The following UGT1A10 variants were observed in gnomAD, a reference collection of about 807,000 sequenced individuals.
The protein encoded by UGT1A10 is UDP-glucuronosyltransferase 1A10.
A neutral mutation model predicts 45.8 loss-of-function variants in UGT1A10; 49 were observed. The observed-to-expected ratio is 1.07, with a 90% CI of 0.85 to 1.36. The LOEUF (loss-of-function observed/expected upper bound fraction) is 1.36, where lower values mean the gene tolerates loss of function less well. Ranked by LOEUF, UGT1A10 falls within the 40% of genes most tolerant of loss-of-function variation. UGT1A10 has a pLI of 0.00. For missense variants in UGT1A10, 745 were observed against 668.6 expected, an observed-to-expected ratio of 1.11 and a Z score of -1.26; for synonymous variants, 284 against 249.7, an observed-to-expected ratio of 1.14 and a Z score of -1.29.
At chr2:233,758,920 TC>T (rs1167539865) in intron 1 of UGT1A10, among the ~76,000 whole-genome samples, 7 of 152,264 alleles carry the variant, frequency 4.6e-5, no homozygotes, top group African/African-American at 1.7e-4. Flanking sequence ...TGCTCATCTT[TC>T]CCTTTTGACT....
At chr2:233,756,158 TC>T (rs1469435732) in intron 1 of UGT1A10, 1 of 152,264 alleles carries the variant, frequency 6.6e-6, no homozygotes, top group Non-Finnish European at 1.5e-5. Flanking sequence ...CCCTAGGATT[TC>T]CTGGCTCATA....
At chr2:233,676,716 T>G (rs2074369037) in intron 1 of UGT1A10, among the ~76,000 whole-genome samples, 2 of 152,218 alleles carry the variant, frequency 1.3e-5, no homozygotes, top group South Asian at 4.1e-4. Flanking sequence ...AATGTCAGTG[T>G]GTGTTTTGCC....
chr2:233,739,629 T>G (rs1457443905), intron 1 of UGT1A10, among the ~76,000 whole-genome samples: 1 of 152,190 alleles, frequency 6.6e-6, no homozygotes, highest in Non-Finnish European at 1.5e-5. Flanking sequence ...CCATTTGAAA[T>G]GGGAACATTT....
In UGT1A10 at chr2:233,636,754, T is replaced by C. The variant is rs1231008929; in HGVS notation, c.232T>C (p.Ser78Pro). ...ACTGAATTGCACAGTGAAGACTTAC[T>C]CAACCTCGTACACTCTGGAAGATCA... is the stretch of plus-strand genomic sequence containing the variant. ...RSLNCTVKTY[S>P]TSYTLEDQNR... The change falls in exon 1 of 5, where the codon TCA becomes CCA. Residue 78 changes from serine to proline, a missense_variant. Coordinates refer to ENST00000344644, the MANE Select transcript of UGT1A10 (RefSeq NM_019075.4). 6.2e-7 allele frequency: 1 copy of C among 1,614,192 alleles called. No homozygotes were observed. The highest frequency in any genetic ancestry group is 8.5e-7 in the Non-Finnish European group (1 of 1,180,032).
rs745603293 is a variant in UGT1A10, at chr2:233,772,357, G to A, written c.1391G>A (p.Arg464Lys). Residue 464 changes from arginine (R) to lysine (K), a missense_variant, in exon 5 of 5, where the codon AGG becomes AAG. Coordinates refer to ENST00000344644, the MANE Select transcript of UGT1A10 (RefSeq NM_019075.4). ...LAVFWVEFVM[R>K]HKGAPHLRPA... The stretch of plus-strand genomic sequence containing the variant: ...GTGTTCTGGGTGGAGTTTGTGATGA[G>A]GCACAAGGGCGCGCCACACCTGCGC... The A allele has an allele frequency of 1.4e-5, 22 of 1,614,268 alleles. No individual in the cohort carries two copies. The highest frequency in any genetic ancestry group is 1.8e-5 in the Non-Finnish European group (21 of 1,180,054).
intron 1 of UGT1A10, among the ~76,000 whole-genome samples, chr2:233,689,439 A>C (rs1476272923): frequency 6.6e-6 from 1 of 152,238 alleles, no homozygotes; most frequent in African/African-American, 2.4e-5. Flanking sequence ...AAAGGTTTTT[A>C]AGAGCAAGGA....
At chr2:233,656,535 A>AG (rs1575405001) in intron 1 of UGT1A10, among the ~76,000 whole-genome samples, 1 of 152,178 alleles carries the variant, frequency 6.6e-6, no homozygotes, top group East Asian at 1.9e-4. Flanking sequence ...GTTGGAACAT[A>AG]GTTTATTCTT....
chr2:233,724,327 A>G (rs1359142433), intron 1 of UGT1A10, among the ~76,000 whole-genome samples: 358 of 72,230 alleles, frequency 5.0e-3, no homozygotes, highest in African/African-American at 8.2e-3. Flanking sequence ...GCGGCTGGCC[A>G]GGCGGGGGGC....
intron 2 of UGT1A10, 121 bp downstream of exon 2, chr2:233,767,286 C>T (rs967346318): frequency 1.9e-6 from 3 of 1,568,700 alleles, no homozygotes; most frequent in Non-Finnish European, 2.6e-6. Flanking sequence ...CCTGCCACTT[C>T]CCAACTATTA....
At chr2:233,763,561 T>A (rs1698343622) in intron 1 of UGT1A10, among the ~76,000 whole-genome samples, 1 of 152,248 alleles carries the variant, frequency 6.6e-6, no homozygotes, top group Admixed American at 6.5e-5. Context: ...GTCAAGTTAC[T>A]GTTCTTATTT....
At chr2:233,642,852 T>C (rs537109496) in intron 1 of UGT1A10, among the ~76,000 whole-genome samples, 61 of 152,040 alleles carry the variant, frequency 4.0e-4, no homozygotes, top group African/African-American at 1.4e-3. Context: ...TTCCCTTACT[T>C]CCTCCCAAAA....
chr2:233,695,725 A>G (rs148542326), intron 1 of UGT1A10, among the ~76,000 whole-genome samples: 2 of 152,086 alleles, frequency 1.3e-5, no homozygotes, highest in South Asian at 4.1e-4. Context: ...TTCCAGTTAC[A>G]TTTATGTTGC....
intron 1 of UGT1A10, among the ~76,000 whole-genome samples, chr2:233,717,462 T>A (rs1357156698): frequency 6.6e-6 from 1 of 152,152 alleles, no homozygotes; most frequent in Non-Finnish European, 1.5e-5. Flanking sequence ...GCCTGTCCCA[T>A]GGGTTGTGTC....
In UGT1A10 at chr2:233,747,787, C is replaced by T. The variant is rs1693777925; in HGVS notation, c.856-19247C>T. On this transcript the variant is annotated intron_variant, in intron 1 of 4. Coordinates refer to ENST00000344644, the MANE Select transcript of UGT1A10 (RefSeq NM_019075.4). ...GGCACACAGTGTCCAAATCCTTCCTCCTATATTCCTAAGTTACTAACGACC... is the reference window on the plus strand; with the variant it reads ...GGCACACAGTGTCCAAATCCTTCCTTCTATATTCCTAAGTTACTAACGACC... The T allele has an allele frequency of 6.8e-6, 11 of 1,613,400 alleles. No homozygotes were observed. The South Asian group carries it at 1.2e-4, about 18-fold the overall frequency.
chr2:233,685,346 A>C (rs930458556), intron 1 of UGT1A10, among the ~76,000 whole-genome samples: 1 of 152,100 alleles, frequency 6.6e-6, no homozygotes, highest in African/African-American at 2.4e-5. Flanking sequence ...AAGTGGTTTT[A>C]ATGAGAAAAA....
intron 1 of UGT1A10, chr2:233,747,860 C>T (rs1402748758): frequency 6.2e-6 from 10 of 1,613,422 alleles, no homozygotes; most frequent in Non-Finnish European, 5.9e-6. Context: ...ACATGCTCTA[C>T]CCTCTGGCCC....
intron 1 of UGT1A10, chr2:233,743,191 C>T (rs1334858681): frequency 2.7e-6 from 1 of 376,140 alleles, no homozygotes; most frequent in East Asian, 7.3e-5. Flanking sequence ...ACTGGAATTA[C>T]TTGGTGTCAA....
At chr2:233,744,382 C>T (rs1464518756) in intron 1 of UGT1A10, among the ~76,000 whole-genome samples, 13 of 151,968 alleles carry the variant, frequency 8.6e-5, no homozygotes, top group Non-Finnish European at 1.3e-4. Flanking sequence ...AGTTCTCCAA[C>T]GTTCCAGCCC....
At chr2:233,652,579 A>T (rs1446438787) in intron 1 of UGT1A10, among the ~76,000 whole-genome samples, 1 of 152,196 alleles carries the variant, frequency 6.6e-6, no homozygotes, top group East Asian at 1.9e-4. Context: ...CTCACTCATA[A>T]TGCATAATGA....
Sources: gnomAD v4.1 joint callset for allele counts (sites outside exome capture counted in the v4.1 genomes callset) on GRCh38, gnomAD v4.1.1 for gene constraint, MANE v1.5 for transcripts, NCBI Gene and HGNC (gene_info 2026-07-23, HGNC 2026-07-21) for gene names.